The following DCT variants were observed in gnomAD, a reference collection of about 807,000 sequenced individuals.
DCT encodes the protein dopachrome tautomerase, also known as L-dopachrome tautomerase.
DCT carries 47 observed loss-of-function variants against 53.0 expected under a neutral mutation model. That is an observed-to-expected ratio of 0.89 (90% CI 0.70 to 1.13). The LOEUF (loss-of-function observed/expected upper bound fraction) is 1.13, where lower values mean the gene tolerates loss of function less well. DCT is among the 50% of genes most tolerant of loss of function. The pLI is 0.00. For missense variants in DCT, 669 were observed against 637.4 expected (o/e 1.05, Z -0.53); for synonymous variants, 244 against 237.0 (o/e 1.03, Z -0.27).
the DCT span, among the ~76,000 whole-genome samples, chr13:94,505,855 C>T: frequency 2.3e-3 from 343 of 152,314 alleles, no homozygotes; most frequent in African/African-American, 7.9e-3. Flanking sequence ...CAGCAAGGAA[C>T]TAAGGCCCTC....
the DCT span, among the ~76,000 whole-genome samples, chr13:94,514,626 C>T: frequency 1.3e-5 from 2 of 152,180 alleles, no homozygotes; most frequent in South Asian, 2.1e-4. Flanking sequence ...GTGGGGAGCA[C>T]GTGGGCAAAG....
chr13:94,492,311 A>T, the DCT span, among the ~76,000 whole-genome samples: 59 of 152,172 alleles, frequency 3.9e-4, no homozygotes, highest in Non-Finnish European at 3.4e-4. Flanking sequence ...CTCTCTACAG[A>T]GGGGTCCACA....
At chr13:94,533,182 T>C in the DCT span, among the ~76,000 whole-genome samples, 2 of 144,494 alleles carry the variant, frequency 1.4e-5, no homozygotes, top group Admixed American at 1.4e-4. Context: ...AACACCGTGG[T>C]TGAAAGAAAT....
chr13:94,441,284 A>G (rs1882291883), intron 7 of DCT, among the ~76,000 whole-genome samples: 1 of 152,198 alleles, frequency 6.6e-6, no homozygotes. Context: ...GTTCAAGACC[A>G]AAAAATGGTT....
rs1164469146 is a variant in DCT at position 94,443,423 on chromosome 13, T to C, written c.1381+13A>G. ...GATGAATGAATCACCCATTTGGAAG[T>C]TGTGTTAGTTACCTGGCAGATCGAT... On this transcript the variant is annotated intron_variant, in intron 7 of 7. Transcript: ENST00000377028. The C allele has an allele frequency of 1.3e-6, 2 of 1,595,714 alleles. No homozygotes were observed. Among genetic ancestry groups the C allele is most frequent in the Non-Finnish European group, 8.6e-7 (1 of 1,163,516 alleles).
intron 1 of DCT, among the ~76,000 whole-genome samples, chr13:94,469,670 G>T (rs987716087): frequency 6.6e-6 from 1 of 152,184 alleles, no homozygotes; most frequent in African/African-American, 2.4e-5. Context: ...TCCCAGGATC[G>T]CAGGCGTGTC....
At chr13:94,471,962 C>G (rs1443078493) in intron 1 of DCT, among the ~76,000 whole-genome samples, 1 of 151,894 alleles carries the variant, frequency 6.6e-6, no homozygotes, top group African/African-American at 2.4e-5. Flanking sequence ...TACTTTCTCC[C>G]CAATTTCAAT....
At chr13:94,447,617 C>G (rs1019255963) in intron 6 of DCT, among the ~76,000 whole-genome samples, 2 of 152,178 alleles carry the variant, frequency 1.3e-5, no homozygotes, top group Non-Finnish European at 2.9e-5. Flanking sequence ...AAGGCATATT[C>G]TCCAATCTTA....
intron 6 of DCT, among the ~76,000 whole-genome samples, chr13:94,445,444 G>T (rs1296206353): frequency 6.6e-6 from 1 of 152,174 alleles, no homozygotes; most frequent in Non-Finnish European, 1.5e-5. Flanking sequence ...GACCATGATG[G>T]CGAGGCTCAA....
the DCT span, among the ~76,000 whole-genome samples, chr13:94,490,292 G>T: frequency 6.6e-6 from 1 of 151,876 alleles, no homozygotes; most frequent in Non-Finnish European, 1.5e-5. Flanking sequence ...ATCACCTGAG[G>T]TCAGGAGTTC....
the DCT span, among the ~76,000 whole-genome samples, chr13:94,522,029 A>C: frequency 1.3e-5 from 2 of 152,188 alleles, 1 homozygote; most frequent in Admixed American, 1.3e-4. Context: ...CACTTAGCCC[A>C]GTGTCTTCAA....
the DCT span, among the ~76,000 whole-genome samples, chr13:94,506,519 A>C: frequency 2.6e-5 from 4 of 152,230 alleles, no homozygotes; most frequent in Admixed American, 6.5e-5. Flanking sequence ...AATAATTATG[A>C]GTTCATACTT....
At position 94,438,552 on chromosome 13, in the gene DCT, G is replaced by A. The variant is rs1051280061; in HGVS notation, c.*1346C>T. ...TTCTTTACATTCATTCATTCCAGTA[G>A]AGAGGGGCCTCGACAGACAAGCCAC... On this transcript the variant is annotated 3_prime_UTR_variant, in exon 8 of 8. Transcript: ENST00000377028. 2.9e-5 allele frequency: 13 copies of A among 455,494 alleles called. No homozygotes were observed. The highest frequency in any genetic ancestry group is 2.4e-4 in the Admixed American group (10 of 42,530). The allele number at this position is 455,494 out of a possible 1,614,324, so 28.2% of individuals were successfully genotyped here.
chr13:94,499,440 G>A, the DCT span, among the ~76,000 whole-genome samples: 1 of 143,320 alleles, frequency 7.0e-6, no homozygotes, highest in African/African-American at 2.6e-5. Context: ...GCAATAAAAG[G>A]ACCAAAGGAG....
At chr13:94,481,052 T>G (rs1419281891), upstream of DCT, among the ~76,000 whole-genome samples, 1 of 152,226 alleles carries the variant, frequency 6.6e-6, no homozygotes, top group Non-Finnish European at 1.5e-5. Context: ...TTTTCAAGCT[T>G]CTGGCAGCTG....
At chr13:94,521,345 G>A in the DCT span, among the ~76,000 whole-genome samples, 1 of 152,288 alleles carries the variant, frequency 6.6e-6, no homozygotes, top group African/African-American at 2.4e-5. Context: ...TTTTTAATGA[G>A]TTTAAAAAAG....
the DCT span, among the ~76,000 whole-genome samples, chr13:94,511,860 G>C: frequency 8.3e-6 from 1 of 120,710 alleles, no homozygotes; most frequent in East Asian, 2.1e-4. Flanking sequence ...GTGTGTGTGT[G>C]TGTGTGTGTT....
At chr13:94,454,536 A>G (rs1205263915) in intron 6 of DCT, among the ~76,000 whole-genome samples, 1 of 152,140 alleles carries the variant, frequency 6.6e-6, no homozygotes, top group Non-Finnish European at 1.5e-5. Flanking sequence ...ATTTGCCTCA[A>G]TTACCTTAGG....
At chr13:94,484,468 A>G (rs1329831187), upstream of DCT, among the ~76,000 whole-genome samples, 1 of 152,202 alleles carries the variant, frequency 6.6e-6, no homozygotes, top group African/African-American at 2.4e-5. Context: ...TTCGTATGGA[A>G]TTGCCTTTTG....
Sources: allele counts gnomAD v4.1 joint callset (sites outside exome capture counted in the v4.1 genomes callset), GRCh38; gene constraint gnomAD v4.1.1; transcripts MANE v1.5; gene names NCBI Gene and HGNC (gene_info 2026-07-23, HGNC 2026-07-21).